Variants in SORCS2 observed in about 807,000 individuals in gnomAD.
SORCS2 encodes the protein VPS10 domain-containing receptor SorCS2.
SORCS2 carries 100 observed loss-of-function variants against 141.6 expected under a neutral mutation model. The ratio of observed to expected loss-of-function variants is 0.71; its 90% confidence interval spans 0.60 to 0.83. The LOEUF (loss-of-function observed/expected upper bound fraction) is 0.83. SORCS2 is among the 40% of genes least tolerant of loss of function. SORCS2 has a pLI of 0.00. For missense variants in SORCS2, 1,646 were observed against 1,560.2 expected, an observed-to-expected ratio of 1.05 and a Z score of -0.93; for synonymous variants, 789 against 676.9, an observed-to-expected ratio of 1.17 and a Z score of -2.57.
intron 3 of SORCS2, among the ~76,000 whole-genome samples, chr4:7,545,609 G>T (rs896129522): frequency 6.6e-6 from 1 of 152,178 alleles, no homozygotes; most frequent in Non-Finnish European, 1.5e-5. Context: ...GTCAGCAAGG[G>T]ACTGGGTGGT....
intron 9 of SORCS2, among the ~76,000 whole-genome samples, chr4:7,679,735 C>G (rs1459107651): frequency 6.9e-6 from 1 of 144,212 alleles, no homozygotes; most frequent in Admixed American, 7.2e-5. Context: ...TCTGAAGCCA[C>G]ACAACTTGTG....
intron 3 of SORCS2, among the ~76,000 whole-genome samples, chr4:7,571,943 G>A (rs570112179): frequency 1.2e-4 from 19 of 152,284 alleles, no homozygotes; most frequent in South Asian, 4.1e-4. Context: ...CTCAGCAAAC[G>A]TGCCCTACCA....
chr4:7,515,630 G>A (rs762527708), intron 2 of SORCS2, among the ~76,000 whole-genome samples: 3 of 152,282 alleles, frequency 2.0e-5, no homozygotes, highest in Admixed American at 6.5e-5. Context: ...GAACCCACCC[G>A]TGCCCTGCAG....
In SORCS2 at chr4:7,271,803, G is replaced by T. The variant is rs115221417; in HGVS notation, c.480+78677G>T. Among the ~76,000 whole-genome samples the T allele has an allele frequency of 1.1e-4, 16 of 152,372 alleles. No homozygotes were observed. In the East Asian group the frequency reaches 3.1e-3, roughly 29 times the overall value. On this transcript the variant is annotated intron_variant, in intron 1 of 26. Coordinates refer to ENST00000507866, the MANE Select transcript of SORCS2 (RefSeq NM_020777.3). Reference sequence around the variant, plus strand: ...CCAGGTGGAGAAGAGCTGCAAGTACGGCCTATGCCGGGGCCCGAGACAGCA... The same window carrying T: ...CCAGGTGGAGAAGAGCTGCAAGTACTGCCTATGCCGGGGCCCGAGACAGCA...
chr4:7,250,362 C>G (rs1447358719), intron 1 of SORCS2, among the ~76,000 whole-genome samples: 2 of 152,218 alleles, frequency 1.3e-5, no homozygotes, highest in African/African-American at 4.8e-5. Flanking sequence ...CTCTATGCGT[C>G]ATTTAAAAAA....
intron 2 of SORCS2, among the ~76,000 whole-genome samples, chr4:7,457,150 G>T (rs772209176): frequency 6.6e-6 from 1 of 152,184 alleles, no homozygotes; most frequent in South Asian, 2.1e-4. Context: ...AACAGCACAC[G>T]ACAGCCCCCG....
At chr4:7,542,110 A>G (rs1388841654) in intron 3 of SORCS2, among the ~76,000 whole-genome samples, 1 of 152,156 alleles carries the variant, frequency 6.6e-6, no homozygotes, top group Admixed American at 6.5e-5. Flanking sequence ...GCTTCAGCCA[A>G]ACCAAAGGGG....
At chr4:7,728,279 AC>A (rs1727360458) in intron 21 of SORCS2, 70 bp from the exon 22 acceptor site, 7 of 1,146,422 alleles carry the variant, frequency 6.1e-6, no homozygotes, top group Non-Finnish European at 7.6e-6. Flanking sequence ...GCTGCCCCCG[AC>A]CCCCACCCTG....
chr4:7,602,072 C>T (rs543341117), intron 3 of SORCS2, among the ~76,000 whole-genome samples: 2 of 152,394 alleles, frequency 1.3e-5, no homozygotes, highest in African/African-American at 4.8e-5. Flanking sequence ...CTACTTCTTT[C>T]TACACAGACA....
intron 1 of SORCS2, among the ~76,000 whole-genome samples, chr4:7,289,039 C>G (rs1445590188): frequency 6.6e-6 from 1 of 152,120 alleles, no homozygotes; most frequent in Non-Finnish European, 1.5e-5. Context: ...GATCAATCAT[C>G]CCTCTCCCTT....
intron 1 of SORCS2, among the ~76,000 whole-genome samples, chr4:7,328,705 G>A (rs1174842115): frequency 2.6e-5 from 4 of 152,120 alleles, no homozygotes; most frequent in Non-Finnish European, 5.9e-5. Context: ...CAAGACAGAT[G>A]CTTCCCTGCT....
chr4:7,604,865 G>A (rs895151546), intron 3 of SORCS2, among the ~76,000 whole-genome samples: 1 of 152,196 alleles, frequency 6.6e-6, no homozygotes, highest in Admixed American at 6.5e-5. Flanking sequence ...TGGGGTCCCA[G>A]CTTCAGGCAG....
intron 1 of SORCS2, among the ~76,000 whole-genome samples, chr4:7,353,696 T>G (rs1721085640): frequency 6.6e-6 from 1 of 152,168 alleles, no homozygotes; most frequent in Non-Finnish European, 1.5e-5. Context: ...CAGCCCTGAC[T>G]GCTTTATGGC....
intron 3 of SORCS2, among the ~76,000 whole-genome samples, chr4:7,574,779 G>T (rs1462708092): frequency 3.9e-5 from 6 of 152,194 alleles, no homozygotes; most frequent in Admixed American, 3.9e-4. Flanking sequence ...CTGCATCTGT[G>T]GGGCTGCCTC....
intron 3 of SORCS2, among the ~76,000 whole-genome samples, chr4:7,589,553 C>G (rs1716773532): frequency 6.6e-6 from 1 of 152,088 alleles, no homozygotes; most frequent in African/African-American, 2.4e-5. Flanking sequence ...TAGGCGCCTG[C>G]CACCATGCCC....
rs866514506 is a variant in SORCS2, at chr4:7,350,033, C to A, written c.481-46255C>A. ...GTCACCAAGAAATATCTGGGACATT[C>A]AAAAAAATAGCCATGAACGAAAAGT... is the stretch of plus-strand genomic sequence containing the variant. On this transcript the variant is annotated intron_variant, in intron 1 of 26. Coordinates refer to ENST00000507866, the MANE Select transcript of SORCS2 (RefSeq NM_020777.3). 4.6e-5 allele frequency among the ~76,000 whole-genome samples: 7 copies of A among 151,960 alleles called. No individual in the cohort carries two copies. In the East Asian group the frequency reaches 5.8e-4, roughly 13 times the overall value.
In SORCS2 at chr4:7,702,556, T is replaced by C. The variant is rs1436127571; in HGVS notation, c.1669-724T>C. Among the ~76,000 whole-genome samples, 4 of 152,164 alleles carry C rather than the reference T, an allele frequency of 2.6e-5. No individual in the cohort carries two copies. The East Asian group carries it at 7.7e-4, about 29-fold the overall frequency. ...GCCACCCTCAGTGTCCCCTCCCGGG[T>C]GAGCCCTGTCCAGGCCACCCTCAGT... On this transcript the variant is annotated intron_variant, in intron 12 of 26. Coordinates refer to ENST00000507866, the MANE Select transcript of SORCS2 (RefSeq NM_020777.3).
chr4:7,299,302 G>A (rs762074002), intron 1 of SORCS2, among the ~76,000 whole-genome samples: 3 of 152,234 alleles, frequency 2.0e-5, no homozygotes, highest in Non-Finnish European at 2.9e-5. Context: ...AATTGGTGCT[G>A]CCAATCAGGC....
rs1051754454 is a variant in SORCS2 at position 7,373,408 on chromosome 4, C to A, written c.481-22880C>A. On this transcript the variant is annotated intron_variant, in intron 1 of 26. Coordinates refer to ENST00000507866, the MANE Select transcript of SORCS2 (RefSeq NM_020777.3). ...AAAGCAAATATTCAAATTTGGGGGTCATTTTATAGTACGTTGTTTGTCTTT... is the reference window on the plus strand; with the variant it reads ...AAAGCAAATATTCAAATTTGGGGGTAATTTTATAGTACGTTGTTTGTCTTT... 3.8e-5 allele frequency among the ~76,000 whole-genome samples: 5 copies of A among 130,706 alleles called. No individual in the cohort carries two copies. In the South Asian group the frequency reaches 1.2e-3, roughly 33 times the overall value. The allele number at this position is 130,706 out of a possible 152,430, so 85.7% of individuals were successfully genotyped here.
Sources: allele counts gnomAD v4.1 joint callset (sites outside exome capture counted in the v4.1 genomes callset), GRCh38; gene constraint gnomAD v4.1.1; transcripts MANE v1.5; gene names NCBI Gene and HGNC (gene_info 2026-07-23, HGNC 2026-07-21).